The following UGT1A10 variants were observed in gnomAD, a reference collection of about 807,000 sequenced individuals.
UGT1A10 encodes the protein UDP glucuronosyltransferase family 1 member A10.
UGT1A10 carries 49 observed loss-of-function variants against 45.8 expected under a neutral mutation model. The observed-to-expected ratio is 1.07, with a 90% confidence interval of 0.85 to 1.36. The LOEUF is 1.36. UGT1A10 is among the 40% of genes most tolerant of loss of function. The pLI is 0.00. For synonymous variants in UGT1A10, 284 were observed against 249.7 expected (o/e 1.14, Z -1.29); for missense variants, 745 against 668.6 (o/e 1.11, Z -1.26).
intron 1 of UGT1A10, among the ~76,000 whole-genome samples, chr2:233,653,889 G>A (rs549608180): frequency 3.4e-4 from 52 of 152,320 alleles, no homozygotes; most frequent in African/African-American, 1.2e-3. Context: ...GGGCCACCAC[G>A]CCCGGCCAAG....
At chr2:233,650,977 A>G (rs2073724820) in intron 1 of UGT1A10, among the ~76,000 whole-genome samples, 1 of 152,194 alleles carries the variant, frequency 6.6e-6, no homozygotes, top group African/African-American at 2.4e-5. Flanking sequence ...ACACAGTTGT[A>G]TGTCTCACAC....
Position 233,772,777 on chromosome 2 carries a change from T to C in UGT1A10, c.*218T>C. The stretch of plus-strand genomic sequence containing the variant: ...TATGTATCGTGCCCCCTCTGGTGTC[T>C]TTGATCAGGATGACATGTGCCATTT... On this transcript the variant is annotated 3_prime_UTR_variant, in exon 5 of 5. Coordinates refer to ENST00000344644, the MANE Select transcript of UGT1A10 (RefSeq NM_019075.4). 8.4e-6 allele frequency: 11 copies of C among 1,302,124 alleles called. No individual in the cohort carries two copies. The highest frequency in any genetic ancestry group is 1.1e-5 in the Non-Finnish European group (11 of 988,102). 80.7% of individuals were successfully genotyped at this position (1,302,124 alleles called of 1,614,324 possible). A position where few individuals can be genotyped will look rare whatever the true frequency, so the allele number is the denominator to read the frequency against.
At chr2:233,674,527 C>T (rs2074287954) in intron 1 of UGT1A10, among the ~76,000 whole-genome samples, 1 of 152,040 alleles carries the variant, frequency 6.6e-6, no homozygotes, top group East Asian at 1.9e-4. Context: ...ACAGCGTCAC[C>T]CAGAGGCCTT....
intron 1 of UGT1A10, among the ~76,000 whole-genome samples, chr2:233,663,185 T>A (rs1034652548): frequency 6.6e-6 from 1 of 152,162 alleles, no homozygotes; most frequent in Non-Finnish European, 1.5e-5. Flanking sequence ...GGATTCACCT[T>A]GCCTGCTGCC....
chr2:233,664,491 T>C (rs982939023), intron 1 of UGT1A10, among the ~76,000 whole-genome samples: 1 of 152,328 alleles, frequency 6.6e-6, no homozygotes, highest in South Asian at 2.1e-4. Flanking sequence ...GCTCAAGATT[T>C]TGCAGGCTGT....
intron 1 of UGT1A10, among the ~76,000 whole-genome samples, chr2:233,728,416 G>A (rs563525403): frequency 6.4e-4 from 98 of 152,296 alleles, no homozygotes; most frequent in African/African-American, 2.2e-3. Context: ...TTAGATAGCA[G>A]CACCTCTTCT....
intron 1 of UGT1A10, among the ~76,000 whole-genome samples, chr2:233,717,526 T>C (rs1481309562): frequency 5.3e-5 from 8 of 152,182 alleles, no homozygotes; most frequent in Non-Finnish European, 1.0e-4. Context: ...ACTTCCTCCA[T>C]AAGGGAAGCC....
intron 1 of UGT1A10, among the ~76,000 whole-genome samples, chr2:233,680,302 A>G (rs529908832): frequency 8.5e-5 from 13 of 152,226 alleles, no homozygotes. Flanking sequence ...TTACTCTGAC[A>G]TGCAATTTAC....
intron 3 of UGT1A10, 134 bp from the exon 4 acceptor site, chr2:233,768,086 A>C (rs1699559906): frequency 6.3e-7 from 1 of 1,591,310 alleles, no homozygotes; most frequent in Non-Finnish European, 8.6e-7. Context: ...ATCTCAACCC[A>C]CATTTTCTTC....
chr2:233,767,352 C>A (rs1699374337), intron 2 of UGT1A10, among the ~76,000 whole-genome samples, 187 bp downstream of exon 2: 1 of 152,112 alleles, frequency 6.6e-6, no homozygotes, highest in African/African-American at 2.4e-5. Context: ...ATTTGACTCT[C>A]AAATACTCTA....
intron 1 of UGT1A10, among the ~76,000 whole-genome samples, chr2:233,664,008 G>T (rs17862854): frequency 0.041 from 6,178 of 152,188 alleles, 150 homozygotes; most frequent in Non-Finnish European, 0.061. Context: ...ATACTTTACT[G>T]CTTAGAAATT....
chr2:233,642,870 GTC>G (rs1202277598), intron 1 of UGT1A10, among the ~76,000 whole-genome samples: 6 of 151,148 alleles, frequency 4.0e-5, no homozygotes, highest in South Asian at 2.1e-4. Context: ...AAAATACAGA[GTC>G]TCTCTCTCTC....
At chr2:233,697,436 T>A (rs981508873) in intron 1 of UGT1A10, among the ~76,000 whole-genome samples, 1 of 152,032 alleles carries the variant, frequency 6.6e-6, no homozygotes, top group African/African-American at 2.4e-5. Flanking sequence ...CCTTTTTCAT[T>A]TCTGATTTTA....
chr2:233,754,393 T>C (rs1161428077), intron 1 of UGT1A10: 1 of 317,382 alleles, frequency 3.2e-6, no homozygotes, highest in South Asian at 2.8e-5. Context: ...AGAGGTCCTA[T>C]CCGTGCAGTC....
At position 233,668,325 on chromosome 2, in the gene UGT1A10, G is replaced by A. The variant is rs931109415; in HGVS notation, c.855+30948G>A. 9.9e-5 allele frequency among the ~76,000 whole-genome samples: 15 copies of A among 152,190 alleles called. No individual in the cohort carries two copies. In the East Asian group the frequency reaches 2.5e-3, roughly 26 times the overall value. The stretch of plus-strand genomic sequence containing the variant: ...GCAATGTTTGGTTTTCCGTCCTTGC[G>A]ATAGTTTGCTCAGAATGATGGTTTC... On this transcript the variant is annotated intron_variant, in intron 1 of 4. Coordinates refer to ENST00000344644, the MANE Select transcript of UGT1A10 (RefSeq NM_019075.4).
At chr2:233,637,686 G>A (rs2073338290) in intron 1 of UGT1A10, among the ~76,000 whole-genome samples, 1 of 152,120 alleles carries the variant, frequency 6.6e-6, no homozygotes, top group South Asian at 2.1e-4. Context: ...TTAATTCTAT[G>A]TGACCCCGTA....
At chr2:233,755,412 C>T in intron 1 of UGT1A10, 1 of 330,878 alleles carries the variant, frequency 3.0e-6, no homozygotes, top group Non-Finnish European at 5.9e-6. Context: ...TGGCCGAGGC[C>T]TGTGAGCGCC....
intron 1 of UGT1A10, among the ~76,000 whole-genome samples, chr2:233,675,243 G>C (rs147327316): frequency 1.0e-3 from 154 of 152,146 alleles, no homozygotes; most frequent in African/African-American, 2.5e-3. Flanking sequence ...GATTTGGAGG[G>C]GACAAACTTC....
chr2:233,751,665 G>A (rs1281035345), intron 1 of UGT1A10, among the ~76,000 whole-genome samples: 6 of 152,196 alleles, frequency 3.9e-5, no homozygotes, highest in African/African-American at 1.4e-4. Context: ...TACTGAGTGA[G>A]TTCTAATGAG....
Sources: allele counts gnomAD v4.1 joint callset (sites outside exome capture counted in the v4.1 genomes callset), GRCh38; gene constraint gnomAD v4.1.1; transcripts MANE v1.5; gene names NCBI Gene and HGNC (gene_info 2026-07-23, HGNC 2026-07-21).